Variants in KIFAP3 observed in about 807,000 individuals in gnomAD.
KIFAP3 encodes the protein kinesin-associated protein 3.
A neutral mutation model predicts 106.5 loss-of-function variants in KIFAP3; 68 were observed. That is an observed-to-expected ratio of 0.64 (90% CI 0.53 to 0.78). The LOEUF (loss-of-function observed/expected upper bound fraction) is 0.78, where lower values mean the gene tolerates loss of function less well. Among genes scored for constraint, KIFAP3 ranks in the 30% least tolerant of loss-of-function variants. The pLI is 0.00. For missense variants in KIFAP3, 780 were observed against 941.8 expected (o/e 0.83, Z 2.25); for synonymous variants, 320 against 311.5 (o/e 1.03, Z -0.29).
At chr1:170,025,436 C>T (rs899297482) in intron 8 of KIFAP3, among the ~76,000 whole-genome samples, 1 of 151,978 alleles carries the variant, frequency 6.6e-6, no homozygotes, top group Non-Finnish European at 1.5e-5. Flanking sequence ...TGTATTCTTG[C>T]AAACTACCTC....
At chr1:169,965,188 G>T (rs1347691547) in intron 17 of KIFAP3, among the ~76,000 whole-genome samples, 1 of 152,012 alleles carries the variant, frequency 6.6e-6, no homozygotes, top group Non-Finnish European at 1.5e-5. Flanking sequence ...TAATTTGAAT[G>T]TTATTTTTTT....
At chr1:170,050,187 C>T (rs905365976) in intron 2 of KIFAP3, among the ~76,000 whole-genome samples, 22 of 152,104 alleles carry the variant, frequency 1.4e-4, no homozygotes, top group African/African-American at 5.3e-4. Context: ...ATGAAAACTT[C>T]GTGAAGCACA....
At chr1:169,961,881 G>C (rs964960747) in intron 17 of KIFAP3, among the ~76,000 whole-genome samples, 2 of 152,060 alleles carry the variant, frequency 1.3e-5, no homozygotes, top group African/African-American at 4.8e-5. Flanking sequence ...TATTAGTAAG[G>C]CTTCCAGTTA....
At chr1:170,030,366 C>T (rs373662375) in intron 8 of KIFAP3, among the ~76,000 whole-genome samples, 3 of 151,850 alleles carry the variant, frequency 2.0e-5, no homozygotes, top group Non-Finnish European at 3.0e-5. Context: ...ATCAAAACCA[C>T]ATACATTCAT....
At position 170,056,636 on chromosome 1, in the gene KIFAP3, C is replaced by A. The variant is rs144517014; in HGVS notation, c.33-1200G>T. 1.2e-3 allele frequency among the ~76,000 whole-genome samples: 180 copies of A among 152,244 alleles called. 2 individuals carry two copies. Among genetic ancestry groups the A allele is most frequent in the Non-Finnish European group, 1.6e-3 (107 of 68,004 alleles). On this transcript the variant is annotated intron_variant, in intron 1 of 19. Transcript: ENST00000361580. Reference sequence around the variant, plus strand: ...CAATAATTAGAAACTCAAAGCTTTTCTTTCAGTTGGAAATAATACTTTGAC... The same window carrying A: ...CAATAATTAGAAACTCAAAGCTTTTATTTCAGTTGGAAATAATACTTTGAC...
At chr1:170,016,131 C>G (rs536091754) in intron 10 of KIFAP3, among the ~76,000 whole-genome samples, 35 of 152,032 alleles carry the variant, frequency 2.3e-4, no homozygotes, top group Admixed American at 1.2e-3. Context: ...TTAAACGATA[C>G]CTGCGTTGTT....
Position 170,018,568 on chromosome 1 carries a change from A to T in KIFAP3, c.1021-1944T>A, listed in dbSNP as rs957643963. Among the ~76,000 whole-genome samples the T allele has an allele frequency of 4.1e-5, 6 of 147,036 alleles. No homozygotes were observed. The South Asian group carries it at 1.1e-3, about 26-fold the overall frequency. On this transcript the variant is annotated intron_variant, in intron 9 of 19. Coordinates refer to ENST00000361580, the MANE Select transcript of KIFAP3 (RefSeq NM_014970.4). ...AGGATTATTTTAATTTAATCCTTTA[A>T]ATTTAATTTAATCAAAGGATTATTA...
chr1:169,950,187 T>C (rs1447337476), intron 19 of KIFAP3, among the ~76,000 whole-genome samples: 2 of 152,144 alleles, frequency 1.3e-5, no homozygotes, highest in South Asian at 4.1e-4. Context: ...CCTTGTGTCA[T>C]ACAAATTAGC....
rs1277267261 is a variant in KIFAP3 at position 169,982,069 on chromosome 1, T to G, written c.1701A>C (p.Glu567Asp). 1 of 1,613,578 alleles carries G rather than the reference T, an allele frequency of 6.2e-7. No homozygotes were observed. The highest frequency in any genetic ancestry group is 1.7e-5 in the Admixed American group (1 of 59,970). ...ATACAGTTCCAATCATTATAACCAC[T>G]TCTAAAACAAGATCATCTTCTGCAG... Reference protein sequence around the residue: ...PGAAEDDLVLEVVIMIGTVSM... With the variant: ...PGAAEDDLVLDVVIMIGTVSM... The change falls in exon 15 of 20, where the codon GAA (glutamate) becomes GAC (aspartate). Residue 567 changes from glutamate (E) to aspartate (D), a missense_variant. Glu to Asp is a conservative substitution (Grantham distance 45). Coordinates refer to ENST00000361580, the MANE Select transcript of KIFAP3 (RefSeq NM_014970.4).
In KIFAP3 at chr1:170,039,015, G is replaced by A. The variant is rs1193030759; in HGVS notation, c.375+218C>T. Among the ~76,000 whole-genome samples, 19 of 152,284 alleles carry A rather than the reference G, an allele frequency of 1.2e-4. No homozygotes were observed. The South Asian group carries it at 1.5e-3, about 12-fold the overall frequency. ...GGAAAATCGCTTGAACCCGGGAGGC[G>A]GAGGTTGTGGTGAGATGAGATAGAG... On this transcript the variant is annotated intron_variant, in intron 4 of 19. Coordinates refer to ENST00000361580, the MANE Select transcript of KIFAP3 (RefSeq NM_014970.4).
intron 10 of KIFAP3, among the ~76,000 whole-genome samples, chr1:170,016,013 A>T (rs1302667916): frequency 2.6e-5 from 4 of 152,144 alleles, no homozygotes; most frequent in African/African-American, 9.7e-5. Context: ...ATATGGTGAG[A>T]CTATCTCTAT....
At chr1:170,067,010 A>G (rs1557877737) in intron 1 of KIFAP3, among the ~76,000 whole-genome samples, 1 of 152,092 alleles carries the variant, frequency 6.6e-6, no homozygotes, top group South Asian at 2.1e-4. Flanking sequence ...AAACTAGATA[A>G]TTTTTTTAAA....
intron 19 of KIFAP3, among the ~76,000 whole-genome samples, chr1:169,939,126 T>G (rs138241152): frequency 6.6e-6 from 1 of 151,988 alleles, no homozygotes; most frequent in Non-Finnish European, 1.5e-5. Flanking sequence ...GTGGAAAAAA[T>G]GAAGCAGAAG....
chr1:170,027,295 C>T (rs1229948980), intron 8 of KIFAP3, among the ~76,000 whole-genome samples: 3 of 152,094 alleles, frequency 2.0e-5, no homozygotes, highest in African/African-American at 7.2e-5. Context: ...GCTGGGATTA[C>T]AGGCATGAAC....
intron 17 of KIFAP3, 135 bp from the exon 18 acceptor site, chr1:169,961,370 A>G (rs1665322797): frequency 6.8e-6 from 4 of 584,906 alleles, no homozygotes; most frequent in Non-Finnish European, 1.2e-5. Context: ...CCTGTTCAGG[A>G]TTATTTTATA....
intron 1 of KIFAP3, among the ~76,000 whole-genome samples, chr1:170,082,599 A>G (rs1672037926): frequency 1.3e-5 from 2 of 152,232 alleles, no homozygotes; most frequent in South Asian, 4.1e-4. Context: ...TATATAAATT[A>G]TTTCCTAATG....
intron 2 of KIFAP3, among the ~76,000 whole-genome samples, chr1:170,047,071 G>A (rs992913851): frequency 2.0e-5 from 3 of 151,980 alleles, no homozygotes; most frequent in Admixed American, 2.0e-4. Flanking sequence ...ATAACAAAAG[G>A]AACATAAAAT....
intron 17 of KIFAP3, among the ~76,000 whole-genome samples, chr1:169,963,755 A>G (rs1014503561): frequency 8.5e-5 from 13 of 152,110 alleles, no homozygotes; most frequent in African/African-American, 2.9e-4. Context: ...CGGCCTCCCA[A>G]AGTACTGGGA....
chr1:169,938,120 A>G (rs1663908976), intron 19 of KIFAP3, among the ~76,000 whole-genome samples: 1 of 151,978 alleles, frequency 6.6e-6, no homozygotes, highest in Non-Finnish European at 1.5e-5. Flanking sequence ...GGGACATTAT[A>G]AGAGTTGCTT....
Sources: allele counts gnomAD v4.1 joint callset (sites outside exome capture counted in the v4.1 genomes callset), GRCh38; gene constraint gnomAD v4.1.1; transcripts MANE v1.5; gene names NCBI Gene and HGNC (gene_info 2026-07-23, HGNC 2026-07-21).